The following GLCCI1 variants were observed in gnomAD, a reference collection of about 807,000 sequenced individuals.
The protein encoded by GLCCI1 is glucocorticoid-induced transcript 1 protein.
A neutral mutation model predicts 52.2 loss-of-function variants in GLCCI1; 24 were observed. That is an observed-to-expected ratio of 0.46 (90% confidence interval 0.33 to 0.65). The LOEUF is 0.65. GLCCI1 is among the 30% of genes least tolerant of loss of function. The pLI is 0.02. For synonymous variants in GLCCI1, 310 were observed against 276.5 expected, an observed-to-expected ratio of 1.12 and a Z score of -1.20; for missense variants, 704 against 701.5, an observed-to-expected ratio of 1.00 and a Z score of -0.04.
intron 3 of GLCCI1, among the ~76,000 whole-genome samples, chr7:8,023,585 A>ATTTTTTTTTTTTTTTTTTTTTTT (rs1268659559): frequency 5.0e-5 from 2 of 39,782 alleles, no homozygotes; most frequent in African/African-American, 1.1e-4. Flanking sequence ...AATCTCTGTT[A>ATTTTTTTTTTTTTTTTTTTTTTT]TTCTTTTTTT....
At chr7:8,008,526 C>T (rs925404332) in intron 2 of GLCCI1, among the ~76,000 whole-genome samples, 13 of 152,036 alleles carry the variant, frequency 8.6e-5, no homozygotes, top group Non-Finnish European at 1.6e-4. Context: ...AACTCCTTGC[C>T]TCAAGTGATC....
In GLCCI1 at chr7:8,088,153, TAAG is replaced by T. The variant is rs770718725; in HGVS notation, c.*1619_*1621del. The T allele has an allele frequency of 5.3e-5, 8 of 152,354 alleles. No individual in the cohort carries two copies. In the East Asian group the frequency reaches 1.2e-3, roughly 22 times the overall value. The allele number at this position is 152,354 out of a possible 1,614,324, so 9.4% of individuals were successfully genotyped here. On this transcript the variant is annotated 3_prime_UTR_variant, in exon 8 of 8. Transcript: ENST00000223145. ...ATTCCTGGGTTTTTCTTTTATTTTC[TAAG>T]AAGGTTGAAGAAGGATGAGTGATAG...
chr7:7,992,916 A>G (rs917179608), intron 1 of GLCCI1, among the ~76,000 whole-genome samples: 1 of 151,952 alleles, frequency 6.6e-6, no homozygotes, highest in African/African-American at 2.4e-5. Context: ...GAGTTTGATC[A>G]CCTCTATTTT....
At chr7:7,973,434 G>GTA (rs1030787408) in intron 1 of GLCCI1, among the ~76,000 whole-genome samples, 1 of 151,830 alleles carries the variant, frequency 6.6e-6, no homozygotes, top group African/African-American at 2.4e-5. Flanking sequence ...GTGTGTGTGT[G>GTA]TGTGTGTTTT....
chr7:8,015,362 G>C (rs1781357067), intron 2 of GLCCI1, among the ~76,000 whole-genome samples: 1 of 152,192 alleles, frequency 6.6e-6, no homozygotes, highest in Non-Finnish European at 1.5e-5. Flanking sequence ...CTGTGCCCTT[G>C]TCAAAGGGCT....
chr7:8,034,816 C>T (rs1472415571), intron 3 of GLCCI1, among the ~76,000 whole-genome samples: 2 of 152,136 alleles, frequency 1.3e-5, no homozygotes, highest in Non-Finnish European at 2.9e-5. Flanking sequence ...TTTTGGGCTC[C>T]CCTTCCCCTC....
rs145656157 is a variant in GLCCI1 at position 8,014,043 on chromosome 7, G to A, written c.610-8440G>A. On this transcript the variant is annotated intron_variant, in intron 2 of 7. Transcript: ENST00000223145. ...CTTGCTCTGTCGCCCAGGCTGGAGT[G>A]CAATGGCACTGTCTTGGCTCACTGC... 3.5e-4 allele frequency among the ~76,000 whole-genome samples: 52 copies of A among 148,634 alleles called. 1 individual carries two copies. In the East Asian group the frequency reaches 9.9e-3, roughly 28 times the overall value.
chr7:7,988,961 G>A (rs1406128612), intron 1 of GLCCI1, among the ~76,000 whole-genome samples: 1 of 151,938 alleles, frequency 6.6e-6, no homozygotes, highest in African/African-American at 2.4e-5. Flanking sequence ...TTCTTATGTG[G>A]TCCTCCTCAT....
chr7:7,990,911 C>T (rs767221635), intron 1 of GLCCI1, among the ~76,000 whole-genome samples: 1 of 152,040 alleles, frequency 6.6e-6, no homozygotes, highest in Non-Finnish European at 1.5e-5. Context: ...TAGTAAACAA[C>T]ATATTCACCA....
chr7:8,042,962 C>G (rs1369957012), intron 3 of GLCCI1, among the ~76,000 whole-genome samples: 1 of 152,284 alleles, frequency 6.6e-6, no homozygotes, highest in South Asian at 2.1e-4. Context: ...ATTTGGCAAA[C>G]TTCACTGTTA....
chr7:8,081,697 C>A (rs754742705), intron 6 of GLCCI1, among the ~76,000 whole-genome samples: 32 of 152,154 alleles, frequency 2.1e-4, no homozygotes, highest in Non-Finnish European at 4.7e-4. Flanking sequence ...TGAATAACTT[C>A]TCTAATTTTT....
At chr7:7,985,999 A>G (rs1583947170) in intron 1 of GLCCI1, among the ~76,000 whole-genome samples, 2 of 152,322 alleles carry the variant, frequency 1.3e-5, no homozygotes, top group African/African-American at 4.8e-5. Flanking sequence ...GTTAAAACAG[A>G]CATGATCCTT....
intron 3 of GLCCI1, among the ~76,000 whole-genome samples, chr7:8,033,559 T>C (rs1781803580): frequency 2.0e-5 from 3 of 152,256 alleles, no homozygotes; most frequent in Admixed American, 6.5e-5. Flanking sequence ...GGTTACATGA[T>C]ATGAGATCAA....
intron 5 of GLCCI1, among the ~76,000 whole-genome samples, chr7:8,066,640 G>A (rs2159510): frequency 6.6e-6 from 1 of 151,034 alleles, no homozygotes; most frequent in Non-Finnish European, 1.5e-5. Context: ...CATGGTTTAC[G>A]CAAATGCCAT....
intron 6 of GLCCI1, among the ~76,000 whole-genome samples, chr7:8,075,479 A>G (rs1365725516): frequency 6.6e-6 from 1 of 152,218 alleles, no homozygotes; most frequent in Non-Finnish European, 1.5e-5. Flanking sequence ...ATTCTTCCAC[A>G]TTATCATACC....
intron 6 of GLCCI1, among the ~76,000 whole-genome samples, chr7:8,076,623 C>G (rs964324817): frequency 1.3e-5 from 2 of 152,148 alleles, no homozygotes; most frequent in African/African-American, 4.8e-5. Flanking sequence ...TTCAAAACTA[C>G]TTAAATATAC....
At chr7:7,970,700 T>A (rs1248065037) in intron 1 of GLCCI1, among the ~76,000 whole-genome samples, 1 of 152,160 alleles carries the variant, frequency 6.6e-6, no homozygotes, top group Non-Finnish European at 1.5e-5. Context: ...TGTTTATGTC[T>A]AGGGACACAG....
At chr7:7,990,468 C>T (rs980564198) in intron 1 of GLCCI1, among the ~76,000 whole-genome samples, 1 of 152,044 alleles carries the variant, frequency 6.6e-6, no homozygotes, top group African/African-American at 2.4e-5. Context: ...TGTTATGACA[C>T]TTTGCCCTAC....
intron 1 of GLCCI1, among the ~76,000 whole-genome samples, chr7:8,003,647 G>A (rs937031940): frequency 2.0e-5 from 3 of 152,134 alleles, no homozygotes; most frequent in Non-Finnish European, 4.4e-5. Flanking sequence ...ATGGCAATGA[G>A]ATGATATGCA....
Sources: gnomAD v4.1 joint callset for allele counts (sites outside exome capture counted in the v4.1 genomes callset) on GRCh38, gnomAD v4.1.1 for gene constraint, MANE v1.5 for transcripts, NCBI Gene and HGNC (gene_info 2026-07-23, HGNC 2026-07-21) for gene names.